PACRGL: variants seen among roughly 807,000 people sequenced by gnomAD.
PACRGL encodes parkin coregulated like.
A neutral mutation model predicts 34.5 loss-of-function variants in PACRGL; 38 were observed. The ratio of observed to expected loss-of-function variants is 1.10; its 90% CI spans 0.85 to 1.44. The LOEUF (loss-of-function observed/expected upper bound fraction) is 1.44. Among genes scored for constraint, PACRGL ranks in the 40% most tolerant of loss-of-function variants. PACRGL has a pLI of 0.00. For missense variants in PACRGL, 305 were observed against 281.4 expected, an observed-to-expected ratio of 1.08 and a Z score of -0.60; for synonymous variants, 128 against 100.1, an observed-to-expected ratio of 1.28 and a Z score of -1.66.
At chr4:20,726,956 TTTG>T (rs1396886105) in intron 8 of PACRGL, among the ~76,000 whole-genome samples, 1 of 152,108 alleles carries the variant, frequency 6.6e-6, no homozygotes, top group Non-Finnish European at 1.5e-5. Context: ...AGAGGGAGAT[TTTG>T]TTGTTATCTC....
downstream of PACRGL, chr4:20,734,558 C>G: frequency 1.4e-6 from 1 of 731,068 alleles, no homozygotes; most frequent in Non-Finnish European, 2.2e-6. Flanking sequence ...TTAATAATTG[C>G]AATTAATATT....
chr4:20,735,374 G>T (rs1749330831), downstream of PACRGL, among the ~76,000 whole-genome samples: 1 of 151,982 alleles, frequency 6.6e-6, no homozygotes, highest in Admixed American at 6.6e-5. Context: ...ATTTTATGAG[G>T]ATTAAAAAAG....
chr4:20,726,219 C>T (rs1433874700), intron 8 of PACRGL, among the ~76,000 whole-genome samples: 1 of 152,006 alleles, frequency 6.6e-6, no homozygotes, highest in African/African-American at 2.4e-5. Context: ...AGAAACGGCA[C>T]ATTAAGATTT....
intron 7 of PACRGL, chr4:20,716,198 C>T (rs1739884241): frequency 2.0e-6 from 2 of 1,017,926 alleles, no homozygotes; most frequent in Admixed American, 2.0e-5. Context: ...CTGTTACTGG[C>T]TGTTATGGTT....
chr4:20,727,333 T>G lies in PACRGL; in HGVS notation c.739T>G (p.Cys247Gly), dbSNP rs765849337. 1 of 1,612,416 alleles carries G rather than the reference T, an allele frequency of 6.2e-7. No homozygotes were observed. Among genetic ancestry groups the G allele is most frequent in the South Asian group, 1.1e-5 (1 of 91,040 alleles). The change falls in exon 9 of 9, where the codon TGC becomes GGC. Residue 247 changes from cysteine (C) to glycine (G), a missense_variant. Coordinates refer to ENST00000503585, the MANE Select transcript of PACRGL (RefSeq NM_001258345.3). ...KSKIPTYCSI[C>G]C The stretch of plus-strand genomic sequence containing the variant: ...TAAAATTCCAACATACTGCTCCATA[T>G]GCTGTTGAAGAAGGGAGCCAACAAA...
rs373794819 is a variant in PACRGL, at chr4:20,740,080, CTA to C, written c.*57-12483_*57-12482del. On this transcript the variant is annotated intron_variant, in intron 8 of 8. Coordinates refer to the PACRGL transcript ENST00000507634. ...AACAAAGCCTCCAGGAAATATGGGA[CTA>C]TGTGAAAAGGCCAAATCTACGTCTG... Among the ~76,000 whole-genome samples, 354 of 152,176 alleles carry C rather than the reference CTA, an allele frequency of 2.3e-3. 7 individuals are homozygous for C. In the South Asian group the frequency reaches 0.047, roughly 20 times the overall value.
At chr4:20,758,893 A>G in the PACRGL span, 4 of 1,612,040 alleles carry the variant, frequency 2.5e-6, no homozygotes, top group South Asian at 2.2e-5. Context: ...GGGCATTCCT[A>G]GGGAAAGTGG....
chr4:20,757,528 T>A (rs2149356326), downstream of PACRGL, among the ~76,000 whole-genome samples: 1 of 152,236 alleles, frequency 6.6e-6, no homozygotes, highest in South Asian at 2.1e-4. Context: ...CATTGTACAC[T>A]CTCTACCCTA....
At chr4:20,720,408 C>T (rs1171532045) in intron 7 of PACRGL, among the ~76,000 whole-genome samples, 1 of 152,138 alleles carries the variant, frequency 6.6e-6, no homozygotes, top group Non-Finnish European at 1.5e-5. Flanking sequence ...TTAGTTGATG[C>T]AGTTTCTTCC....
rs968331411 is a variant in PACRGL, at chr4:20,728,692, C to A, written c.*1351C>A. ...TTGAGTTTACACAAACACGTGATGGCAAATTTCAGTGTACATGTATTGTAC... is the reference window on the plus strand; with the variant it reads ...TTGAGTTTACACAAACACGTGATGGAAAATTTCAGTGTACATGTATTGTAC... On this transcript the variant is annotated 3_prime_UTR_variant, in exon 9 of 9. Transcript: ENST00000503585. 1 of 152,508 alleles carries A rather than the reference C, an allele frequency of 6.6e-6. No individual in the cohort carries two copies. Among genetic ancestry groups the A allele is most frequent in the Non-Finnish European group, 1.5e-5 (1 of 68,014 alleles). The allele number at this position is 152,508 out of a possible 1,614,324, so 9.4% of individuals were successfully genotyped here. A position where few individuals can be genotyped will look rare whatever the true frequency, so the allele number is the denominator to read the frequency against.
chr4:20,759,212 G>A, the PACRGL span, among the ~76,000 whole-genome samples: 366 of 152,282 alleles, frequency 2.4e-3, 1 homozygote, highest in African/African-American at 8.3e-3. Context: ...CACACAGCAA[G>A]CATGTTGCAA....
At position 20,707,797 on chromosome 4, in the gene PACRGL, T is replaced by A. The variant is rs750670768; in HGVS notation, c.208-6T>A. The stretch of plus-strand genomic sequence containing the variant: ...GTGATAGTAATATTTTCATTTTTTA[T>A]TTTAGTTTGGTGAACAGTCACGAGT... On this transcript the variant is annotated splice_region_variant and splice_polypyrimidine_tract_variant and intron_variant, in intron 3 of 8. Transcript: ENST00000503585. The A allele has an allele frequency of 5.0e-6, 8 of 1,612,246 alleles. No individual in the cohort carries two copies. In the Middle Eastern group the frequency reaches 4.9e-4, roughly 100 times the overall value.
chr4:20,766,695 C>T, the PACRGL span: 1 of 152,234 alleles, frequency 6.6e-6, no homozygotes, highest in East Asian at 1.9e-4. Context: ...CAGGGGGCTG[C>T]TAAGCCTGAC....
intron 7 of PACRGL, among the ~76,000 whole-genome samples, chr4:20,714,566 C>T (rs1738899564): frequency 6.6e-6 from 1 of 152,088 alleles, no homozygotes; most frequent in South Asian, 2.1e-4. Context: ...TTATTTTGCT[C>T]GTTAGTTGAT....
intron 7 of PACRGL, chr4:20,718,830 A>G (rs1741483617): frequency 6.6e-6 from 1 of 152,360 alleles, no homozygotes; most frequent in South Asian, 2.1e-4. Flanking sequence ...TGGTATCAGC[A>G]TGATGCTGGC....
the PACRGL span, chr4:20,766,807 G>A: frequency 1.3e-5 from 2 of 152,088 alleles, no homozygotes; most frequent in African/African-American, 4.8e-5. Flanking sequence ...CTATTTAGAG[G>A]AATCTAGTGC....
chr4:20,711,705 A>G (rs1256053366), intron 5 of PACRGL, among the ~76,000 whole-genome samples: 1 of 151,444 alleles, frequency 6.6e-6, no homozygotes, highest in Non-Finnish European at 1.5e-5. Context: ...ATCATTTCGA[A>G]AAAAGTCAGA....
chr4:20,716,595 G>T (rs111806145), intron 7 of PACRGL, among the ~76,000 whole-genome samples: 6,746 of 152,178 alleles, frequency 0.044, 199 homozygotes, highest in Middle Eastern at 0.065. Flanking sequence ...TTGGTTTTCT[G>T]TCCTTGAGCT....
chr4:20,746,487 ACT>A (rs1238307179), intron 8 of PACRGL, among the ~76,000 whole-genome samples: 1 of 151,856 alleles, frequency 6.6e-6, no homozygotes, highest in Non-Finnish European at 1.5e-5. Flanking sequence ...AAAAATGCAC[ACT>A]CTGCACATGT....
Sources: gnomAD v4.1 joint callset for allele counts (sites outside exome capture counted in the v4.1 genomes callset) on GRCh38, gnomAD v4.1.1 for gene constraint, MANE v1.5 for transcripts, NCBI Gene and HGNC (gene_info 2026-07-23, HGNC 2026-07-21) for gene names.